ZFHX3: variants seen among roughly 807,000 people sequenced by gnomAD.
ZFHX3 encodes zinc finger homeobox protein 3.
In ZFHX3, 42 loss-of-function variants were observed where a neutral mutation model predicts 279.1. That is an observed-to-expected ratio of 0.15 (90% CI 0.12 to 0.19). The LOEUF (loss-of-function observed/expected upper bound fraction) is 0.19. Ranked by LOEUF, ZFHX3 falls within the 10% of genes least tolerant of loss-of-function variation. ZFHX3 has a pLI of 1.00. For synonymous variants in ZFHX3, 2,293 were observed against 1,957.8 expected, an observed-to-expected ratio of 1.17 and a Z score of -4.52; for missense variants, 4,981 against 4,754.0, an observed-to-expected ratio of 1.05 and a Z score of -1.40.
intron 1 of ZFHX3, among the ~76,000 whole-genome samples, chr16:73,805,506 G>T (rs1273585863): frequency 1.3e-5 from 2 of 152,092 alleles, no homozygotes; most frequent in Non-Finnish European, 2.9e-5. Context: ...TTTCCATCAA[G>T]ACTGCCACCT....
intron 1 of ZFHX3, among the ~76,000 whole-genome samples, chr16:73,003,301 G>GT (rs1212980644): frequency 6.8e-6 from 1 of 147,366 alleles, no homozygotes; most frequent in Non-Finnish European, 1.5e-5. Context: ...GGTATTAGAC[G>GT]TAAGATAATT....
At chr16:73,865,442 C>T (rs779741191) in intron 1 of ZFHX3, among the ~76,000 whole-genome samples, 3 of 152,166 alleles carry the variant, frequency 2.0e-5, no homozygotes, top group African/African-American at 4.8e-5. Flanking sequence ...AGCCTGCACG[C>T]CATGTGTTCA....
chr16:73,113,911 C>T (rs7186506), intron 7 of ZFHX3, among the ~76,000 whole-genome samples: 1,863 of 150,760 alleles, frequency 0.012, 40 homozygotes, highest in African/African-American at 0.043. Context: ...TCTCCTGCCT[C>T]AGCCTCCCTG....
chr16:73,832,827 T>C (rs1275040396), intron 1 of ZFHX3, among the ~76,000 whole-genome samples: 14 of 152,242 alleles, frequency 9.2e-5, no homozygotes, highest in Non-Finnish European at 1.5e-5. Context: ...TGTCATTTTG[T>C]TGAGAAATAT....
intron 5 of ZFHX3, among the ~76,000 whole-genome samples, chr16:73,168,211 T>TTTTATTTATTTC (rs71391499): frequency 4.2e-5 from 4 of 95,222 alleles, no homozygotes; most frequent in African/African-American, 1.6e-4. Context: ...GTTTCTTTTG[T>TTTTATTTATTTC]TTTCTTTCTT....
At chr16:73,154,952 T>C (rs531506460) in intron 5 of ZFHX3, among the ~76,000 whole-genome samples, 5 of 152,130 alleles carry the variant, frequency 3.3e-5, no homozygotes, top group Non-Finnish European at 7.4e-5. Flanking sequence ...GGTGGGAGGA[T>C]CACTTGAGCC....
intron 5 of ZFHX3, among the ~76,000 whole-genome samples, chr16:73,183,789 G>C (rs1967851765): frequency 1.3e-5 from 2 of 152,044 alleles, no homozygotes; most frequent in African/African-American, 4.8e-5. Context: ...TTTTGGAGAT[G>C]GGGAGAAATT....
intron 4 of ZFHX3, among the ~76,000 whole-genome samples, chr16:73,258,675 A>T (rs2144965414): frequency 6.6e-6 from 1 of 152,320 alleles, no homozygotes; most frequent in Middle Eastern, 3.4e-3. Flanking sequence ...GCATTTGGAA[A>T]AGTACAGAGA....
chr16:73,110,981 C>T (rs1301023387), intron 7 of ZFHX3, among the ~76,000 whole-genome samples: 5 of 152,056 alleles, frequency 3.3e-5, no homozygotes, highest in Non-Finnish European at 7.4e-5. Flanking sequence ...CACTCTGTTG[C>T]CCAGGCCAGA....
At position 72,829,169 on chromosome 16, in the gene ZFHX3, A is replaced by AT. The variant is rs61563409; in HGVS notation, c.3529+609dup. On this transcript the variant is annotated intron_variant, in intron 5 of 9. Coordinates refer to ENST00000268489, the MANE Select transcript of ZFHX3 (RefSeq NM_006885.4). ...ACAGGTGTGTGCCACCACACCCAGCATTTTTTTTTTTTTTTTGAATTTTAG... is the reference window on the plus strand; with the variant it reads ...ACAGGTGTGTGCCACCACACCCAGCATTTTTTTTTTTTTTTTTGAATTTTAG... Among the ~76,000 whole-genome samples, 375 of 134,796 alleles carry AT rather than the reference A, an allele frequency of 2.8e-3. 2 individuals carry two copies. Among genetic ancestry groups the AT allele is most frequent in the Middle Eastern group, 0.025 (6 of 236 alleles). The allele number at this position is 134,796 out of a possible 152,430, so 88.4% of individuals were successfully genotyped here.
intron 3 of ZFHX3, among the ~76,000 whole-genome samples, chr16:72,897,325 G>GT (rs1364832815): frequency 1.3e-5 from 2 of 152,218 alleles, no homozygotes; most frequent in African/African-American, 2.4e-5. Flanking sequence ...ATGGGGACCA[G>GT]TAAGTCTGCT....
intron 5 of ZFHX3, among the ~76,000 whole-genome samples, chr16:73,176,142 C>T (rs530024164): frequency 1.2e-4 from 18 of 152,202 alleles, no homozygotes; most frequent in South Asian, 2.1e-4. Flanking sequence ...CATCTAGCAC[C>T]GTCCCATCAC....
intron 5 of ZFHX3, among the ~76,000 whole-genome samples, chr16:72,816,907 ATTTG>A (rs2036623202): frequency 6.6e-6 from 1 of 152,230 alleles, no homozygotes; most frequent in African/African-American, 2.4e-5. Context: ...ATTTTATCAT[ATTTG>A]TTTTAGAAGT....
chr16:73,624,355 G>A (rs916175760), intron 2 of ZFHX3, among the ~76,000 whole-genome samples: 1 of 152,060 alleles, frequency 6.6e-6, no homozygotes, highest in Non-Finnish European at 1.5e-5. Flanking sequence ...TTTCATTGCC[G>A]TTATCGTGAG....
At chr16:73,386,829 A>C (rs2016911119) in intron 3 of ZFHX3, 1 of 151,916 alleles carries the variant, frequency 6.6e-6, no homozygotes, top group Admixed American at 6.6e-5. Context: ...CTGATGGGCT[A>C]CCTGGAACTG....
chr16:73,711,398 T>G (rs531514781), intron 1 of ZFHX3, among the ~76,000 whole-genome samples: 69 of 152,344 alleles, frequency 4.5e-4, no homozygotes, highest in African/African-American at 1.6e-3. Flanking sequence ...GAGATAAAAC[T>G]TAACAAGAAA....
At position 73,149,038 on chromosome 16, in the gene ZFHX3, C is replaced by A. The variant is rs1391116067; in HGVS notation, c.-1103-5207G>T. Among the ~76,000 whole-genome samples, 4 of 148,174 alleles carry A rather than the reference C, an allele frequency of 2.7e-5. No homozygotes were observed. In the East Asian group the frequency reaches 5.9e-4, roughly 22 times the overall value. ...ATATATTTTATATATATATAAAGTG[C>A]TATATATATAAATAGAGCACTTAAA... is the stretch of plus-strand genomic sequence containing the variant. On this transcript the variant is annotated intron_variant, in intron 5 of 17. Coordinates refer to the ZFHX3 transcript ENST00000641206.
intron 3 of ZFHX3, among the ~76,000 whole-genome samples, chr16:73,359,568 C>A (rs1362751212): frequency 6.6e-6 from 1 of 152,148 alleles, no homozygotes; most frequent in East Asian, 1.9e-4. Context: ...GGACTGGAGA[C>A]CAGAGGCTGG....
chr16:73,334,453 G>A lies in ZFHX3; in HGVS notation c.-1290-16117C>T, dbSNP rs560015995. Among the ~76,000 whole-genome samples the A allele has an allele frequency of 1.7e-3, 264 of 152,266 alleles. 1 individual carries two copies. Among genetic ancestry groups the A allele is most frequent in the Non-Finnish European group, 3.3e-3 (227 of 68,022 alleles). ...ATAAACTTCTAGGCAAGAATGAAAT[G>A]CACTTTTGCCTCCAGGAGACCACTT... On this transcript the variant is annotated intron_variant, in intron 3 of 17. Transcript: ENST00000641206.
Sources: allele counts gnomAD v4.1 joint callset (sites outside exome capture counted in the v4.1 genomes callset), GRCh38; gene constraint gnomAD v4.1.1; transcripts MANE v1.5; gene names NCBI Gene and HGNC (gene_info 2026-07-23, HGNC 2026-07-21).